GRID2: variants seen among roughly 807,000 people sequenced by gnomAD.
GRID2 encodes glutamate ionotropic receptor delta type subunit 2, also known as glutamate receptor ionotropic, delta-2.
Under a neutral mutation model 114.8 loss-of-function variants are expected in GRID2, and 33 were observed. The observed-to-expected ratio is 0.29, with a 90% CI of 0.22 to 0.38. The LOEUF is 0.38. Ranked by LOEUF, GRID2 falls within the 10% of genes least tolerant of loss-of-function variation. GRID2 has a pLI of 1.00. For missense variants in GRID2, 1,184 were observed against 1,257.7 expected (o/e 0.94, Z 0.89); for synonymous variants, 505 against 449.9 (o/e 1.12, Z -1.55).
rs372766257 is a variant in GRID2 at position 93,037,619 on chromosome 4, A to C, written c.245-47376A>C. Among the ~76,000 whole-genome samples the C allele has an allele frequency of 1.4e-4, 22 of 152,256 alleles. 1 individual carries two copies. In the East Asian group the frequency reaches 3.9e-3, roughly 27 times the overall value. ...TCTCTCTTGAGTTAATTTTTGTATA[A>C]AGTGTAATGAAGTGGTCCAGTTTTA... is the stretch of plus-strand genomic sequence containing the variant. On this transcript the variant is annotated intron_variant, in intron 2 of 15. Transcript: ENST00000282020.
intron 13 of GRID2, among the ~76,000 whole-genome samples, chr4:93,569,383 G>A (rs541410191): frequency 1.6e-4 from 24 of 151,956 alleles, no homozygotes; most frequent in Non-Finnish European, 2.8e-4. Context: ...CTCAACTCAC[G>A]CATCCTTTTG....
intron 2 of GRID2, chr4:92,822,546 GT>G: frequency 7.1e-6 from 2 of 281,336 alleles, no homozygotes; most frequent in South Asian, 3.2e-5. Context: ...TAACTAGACG[GT>G]TTTATCTCAG....
At chr4:92,825,657 C>G (rs1324799031) in intron 2 of GRID2, among the ~76,000 whole-genome samples, 1 of 152,116 alleles carries the variant, frequency 6.6e-6, no homozygotes, top group Non-Finnish European at 1.5e-5. Context: ...TTTTAGTAAG[C>G]TAGGTTGCAT....
chr4:92,931,722 T>A (rs1750253644), intron 2 of GRID2, among the ~76,000 whole-genome samples: 1 of 150,988 alleles, frequency 6.6e-6, no homozygotes, highest in Admixed American at 6.6e-5. Flanking sequence ...ATGATTTGAT[T>A]ATTTTTTATA....
intron 2 of GRID2, among the ~76,000 whole-genome samples, chr4:92,657,702 T>C (rs1175528781): frequency 6.6e-6 from 1 of 151,844 alleles, no homozygotes; most frequent in East Asian, 1.9e-4. Flanking sequence ...TTCCTCAGTT[T>C]AGTTATGCAG....
chr4:93,129,038 G>A (rs1734555913), intron 4 of GRID2, among the ~76,000 whole-genome samples: 4 of 152,104 alleles, frequency 2.6e-5, no homozygotes, highest in Admixed American at 6.5e-5. Context: ...TATCAACCTA[G>A]CAGTCCAACC....
At chr4:92,448,999 T>G (rs1031926334) in intron 1 of GRID2, among the ~76,000 whole-genome samples, 11 of 152,120 alleles carry the variant, frequency 7.2e-5, no homozygotes, top group African/African-American at 2.2e-4. Context: ...TATTTTATTA[T>G]GATATTTTCT....
At chr4:92,947,418 A>C (rs1751719317) in intron 2 of GRID2, among the ~76,000 whole-genome samples, 1 of 151,992 alleles carries the variant, frequency 6.6e-6, no homozygotes, top group South Asian at 2.1e-4. Context: ...TGGCTGAAAT[A>C]CAATCAGATT....
At chr4:93,705,782 A>G (rs1329055527) in intron 14 of GRID2, among the ~76,000 whole-genome samples, 1 of 152,042 alleles carries the variant, frequency 6.6e-6, no homozygotes, top group African/African-American at 2.4e-5. Context: ...GAGTTTTTCC[A>G]GTGTTTTCTT....
intron 2 of GRID2, among the ~76,000 whole-genome samples, chr4:93,045,643 A>T (rs953602139): frequency 1.3e-5 from 2 of 152,160 alleles, no homozygotes; most frequent in African/African-American, 4.8e-5. Flanking sequence ...TACTTTTATT[A>T]ACCTCACTTT....
intron 13 of GRID2, among the ~76,000 whole-genome samples, chr4:93,555,842 C>A (rs573062892): frequency 1.4e-4 from 21 of 152,264 alleles, no homozygotes; most frequent in Middle Eastern, 3.4e-3. Context: ...TTGACAGACA[C>A]CTCGTATAGG....
intron 1 of GRID2, among the ~76,000 whole-genome samples, chr4:92,537,344 C>T (rs1377235625): frequency 6.6e-6 from 1 of 152,094 alleles, no homozygotes; most frequent in Non-Finnish European, 1.5e-5. Flanking sequence ...GAGAATAACA[C>T]ATTTTTGATC....
intron 2 of GRID2, among the ~76,000 whole-genome samples, chr4:93,036,889 A>G (rs936755823): frequency 6.6e-6 from 1 of 152,154 alleles, no homozygotes; most frequent in African/African-American, 2.4e-5. Flanking sequence ...TTATCTAAAC[A>G]CTTGATAACA....
chr4:92,771,079 A>T (rs1211091324), intron 2 of GRID2, among the ~76,000 whole-genome samples: 1 of 152,182 alleles, frequency 6.6e-6, no homozygotes, highest in East Asian at 1.9e-4. Flanking sequence ...GTTAAGTATT[A>T]AAGTCTCTGA....
intron 13 of GRID2, among the ~76,000 whole-genome samples, chr4:93,522,537 TAGG>T (rs1376922650): frequency 1.3e-5 from 2 of 151,704 alleles, no homozygotes; most frequent in Non-Finnish European, 2.9e-5. Flanking sequence ...TAGAAGATAA[TAGG>T]AGCAAGAAAG....
At chr4:93,330,962 G>A (rs1758364500) in intron 8 of GRID2, among the ~76,000 whole-genome samples, 1 of 152,056 alleles carries the variant, frequency 6.6e-6, no homozygotes, top group Non-Finnish European at 1.5e-5. Flanking sequence ...CATTCTCATA[G>A]CTGTCTCCCT....
chr4:92,415,505 A>G (rs908112364), intron 1 of GRID2, among the ~76,000 whole-genome samples: 1 of 151,402 alleles, frequency 6.6e-6, no homozygotes, highest in African/African-American at 2.4e-5. Flanking sequence ...AGACCATTAT[A>G]TCATTCTTTA....
chr4:93,312,263 C>T (rs1341735390), intron 8 of GRID2, among the ~76,000 whole-genome samples: 2 of 152,108 alleles, frequency 1.3e-5, no homozygotes, highest in Non-Finnish European at 2.9e-5. Context: ...CCTATCATTG[C>T]ATAATTAGTA....
chr4:92,694,041 G>C (rs1011989262), intron 2 of GRID2, among the ~76,000 whole-genome samples: 1 of 152,110 alleles, frequency 6.6e-6, no homozygotes, highest in African/African-American at 2.4e-5. Context: ...GTGGGGAGGA[G>C]ATAGTGAAGG....
Sources: gnomAD v4.1 joint callset for allele counts (sites outside exome capture counted in the v4.1 genomes callset) on GRCh38, gnomAD v4.1.1 for gene constraint, MANE v1.5 for transcripts, NCBI Gene and HGNC (gene_info 2026-07-23, HGNC 2026-07-21) for gene names.